DCC: variants seen among roughly 807,000 people sequenced by gnomAD.
The protein encoded by DCC is DCC netrin 1 receptor, also known as netrin receptor DCC.
In DCC, 58 loss-of-function variants were observed where a neutral mutation model predicts 172.5. That is an observed-to-expected ratio of 0.34 (90% CI 0.27 to 0.42). DCC has a LOEUF of 0.42. Ranked by LOEUF, DCC falls within the 10% of genes least tolerant of loss-of-function variation. The pLI is 1.00. For missense variants in DCC, 1,740 were observed against 1,791.0 expected (o/e 0.97, Z 0.51); for synonymous variants, 709 against 644.5 (o/e 1.10, Z -1.52).
chr18:53,273,058 G>A (rs1310228567), intron 12 of DCC, among the ~76,000 whole-genome samples: 1 of 152,038 alleles, frequency 6.6e-6, no homozygotes, highest in Admixed American at 6.6e-5. Context: ...ATTATTCAAT[G>A]GAAATAATTT....
intron 5 of DCC, among the ~76,000 whole-genome samples, chr18:53,003,559 G>T (rs1399687240): frequency 6.6e-6 from 1 of 152,084 alleles, no homozygotes; most frequent in Admixed American, 6.6e-5. Context: ...CTTGGAGATG[G>T]TCCCCTTTGT....
At chr18:53,467,748 A>G (rs1364814434) in intron 24 of DCC, 146 bp from the exon 25 acceptor site, 27 of 738,248 alleles carry the variant, frequency 3.7e-5, no homozygotes, top group East Asian at 1.5e-4. Flanking sequence ...GATTTGTACA[A>G]TGAAATAGAT....
intron 24 of DCC, among the ~76,000 whole-genome samples, chr18:53,463,088 ATTC>A (rs759411119): frequency 1.2e-4 from 18 of 152,196 alleles, no homozygotes; most frequent in East Asian, 3.8e-4. Flanking sequence ...TTTACAAGTG[ATTC>A]TTCTTCTAGC....
chr18:53,494,744 T>C (rs1568167392), intron 26 of DCC, among the ~76,000 whole-genome samples: 1 of 152,234 alleles, frequency 6.6e-6, no homozygotes, highest in Non-Finnish European at 1.5e-5. Context: ...AGCACACTGA[T>C]GGGTCTTGAT....
chr18:52,973,670 T>G (rs2041066305), intron 5 of DCC, among the ~76,000 whole-genome samples: 1 of 152,176 alleles, frequency 6.6e-6, no homozygotes, highest in South Asian at 2.1e-4. Flanking sequence ...CAGACTGACT[T>G]GCTTCTTGTG....
intron 2 of DCC, among the ~76,000 whole-genome samples, chr18:52,762,534 A>G (rs949793382): frequency 6.6e-6 from 1 of 151,518 alleles, no homozygotes; most frequent in Non-Finnish European, 1.5e-5. Context: ...AGGTCTCAGT[A>G]TATCTGGGGC....
chr18:53,206,356 CATATATGTATTGTAACACATATATGT>C (rs757209709), intron 10 of DCC, among the ~76,000 whole-genome samples: 5,181 of 60,904 alleles, frequency 0.085, 294 homozygotes, highest in Non-Finnish European at 0.13. Context: ...TGTATATATA[CATATATGTATTGTAACACATATATGT>C]ATATATGTAT....
intron 25 of DCC, among the ~76,000 whole-genome samples, chr18:53,478,582 G>T (rs1324891683): frequency 1.3e-5 from 2 of 152,118 alleles, no homozygotes; most frequent in East Asian, 3.9e-4. Context: ...ATTCTTTAAA[G>T]GAAAAAGAAG....
intron 5 of DCC, among the ~76,000 whole-genome samples, chr18:52,958,126 T>A (rs1192332209): frequency 2.0e-5 from 3 of 152,210 alleles, no homozygotes; most frequent in Non-Finnish European, 4.4e-5. Flanking sequence ...TGTTTATTTC[T>A]TTGTCAAATC....
intron 1 of DCC, among the ~76,000 whole-genome samples, chr18:52,541,277 CCTT>C (rs1472504283): frequency 3.2e-4 from 48 of 152,298 alleles, no homozygotes; most frequent in African/African-American, 1.1e-3. Flanking sequence ...ATGGTCTTCT[CCTT>C]CTGCTCTATT....
intron 2 of DCC, among the ~76,000 whole-genome samples, chr18:52,856,625 C>CAAAA (rs11426617): frequency 0.015 from 1,281 of 82,874 alleles, 71 homozygotes; most frequent in African/African-American, 0.064. Flanking sequence ...GACTCCATCT[C>CAAAA]AAAAAAAAAA....
At chr18:53,082,724 G>C (rs1338480528) in intron 7 of DCC, among the ~76,000 whole-genome samples, 2 of 151,964 alleles carry the variant, frequency 1.3e-5, no homozygotes, top group Non-Finnish European at 2.9e-5. Flanking sequence ...GTTTCCACGT[G>C]GTATGTATAA....
chr18:53,310,884 C>G (rs1280391363), intron 13 of DCC, among the ~76,000 whole-genome samples: 1 of 151,872 alleles, frequency 6.6e-6, no homozygotes, highest in South Asian at 2.1e-4. Flanking sequence ...GGATAGAAAC[C>G]TGCAGAGATA....
Position 53,530,619 on chromosome 18 carries a change from A to G in DCC, c.4310A>G (p.Lys1437Arg). The G allele has an allele frequency of 1.2e-6, 2 of 1,604,022 alleles. No individual in the cohort carries two copies. The highest frequency in any genetic ancestry group is 1.7e-6 in the Non-Finnish European group (2 of 1,170,770). ...ATGGCAAGTTTGGAAGGACTCATGA[A>G]GCAGCTTAATGCCATCACAGGCTCA... is the stretch of plus-strand genomic sequence containing the variant. Reference protein sequence around the residue: ...EQMASLEGLMKQLNAITGSAF With the variant: ...EQMASLEGLMRQLNAITGSAF The change falls in exon 29 of 29, where the codon AAG becomes AGG. Residue 1437 changes from lysine to arginine, a missense_variant. Lys to Arg is a conservative substitution (Grantham distance 26, BLOSUM62 2). Around this residue, in one of 2 missense-constraint regions of DCC, gnomAD observed 8 missense variants for 23.6 expected, o/e 0.34. Transcript: ENST00000442544.
chr18:53,083,967 T>TGA (rs1194050320), intron 7 of DCC, among the ~76,000 whole-genome samples: 3 of 152,242 alleles, frequency 2.0e-5, no homozygotes, highest in African/African-American at 7.2e-5. Flanking sequence ...TTTGTGGTTC[T>TGA]GAGTTAGTGT....
chr18:52,578,416 A>G (rs1251347354), intron 1 of DCC, among the ~76,000 whole-genome samples: 1 of 152,208 alleles, frequency 6.6e-6, no homozygotes, highest in East Asian at 1.9e-4. Flanking sequence ...GGAGCTGATG[A>G]TACATTTTAT....
At chr18:52,398,806 C>T (rs188710244) in intron 1 of DCC, among the ~76,000 whole-genome samples, 4 of 151,848 alleles carry the variant, frequency 2.6e-5, no homozygotes, top group Non-Finnish European at 5.9e-5. Flanking sequence ...CATGGAGTGC[C>T]CATTTATTTT....
chr18:52,858,790 T>C (rs1419448362), intron 2 of DCC, among the ~76,000 whole-genome samples: 5 of 152,198 alleles, frequency 3.3e-5, no homozygotes, highest in Non-Finnish European at 7.3e-5. Flanking sequence ...TAGAGGAGGA[T>C]TCCAGCTGAA....
At chr18:52,989,174 T>C (rs902439068) in intron 5 of DCC, among the ~76,000 whole-genome samples, 1 of 152,134 alleles carries the variant, frequency 6.6e-6, no homozygotes, top group Non-Finnish European at 1.5e-5. Context: ...ATTATAGTTT[T>C]TTAATCTTCA....
Sources: gnomAD v4.1 joint callset for allele counts (sites outside exome capture counted in the v4.1 genomes callset) on GRCh38, gnomAD v4.1.1 for gene constraint, gnomAD v4.1.1 regional missense constraint, MANE v1.5 for transcripts, NCBI Gene and HGNC (gene_info 2026-07-23, HGNC 2026-07-21) for gene names.